Variants in ATP9B observed in about 807,000 individuals in gnomAD.
ATP9B encodes ATPase phospholipid transporting 9B, also known as probable phospholipid-transporting ATPase IIB.
ATP9B carries 110 observed loss-of-function variants against 146.1 expected under a neutral mutation model. The observed-to-expected ratio is 0.75, with a 90% confidence interval of 0.65 to 0.88. The LOEUF (loss-of-function observed/expected upper bound fraction) is 0.88. Ranked by LOEUF, ATP9B falls within the 40% of genes least tolerant of loss-of-function variation. The probability of loss-of-function intolerance (pLI) is 0.00; values close to 1 mark genes in which losing one functional copy is unlikely to be tolerated. For missense variants in ATP9B, 1,499 were observed against 1,496.4 expected, an observed-to-expected ratio of 1.00 and a Z score of -0.03; for synonymous variants, 604 against 569.7, an observed-to-expected ratio of 1.06 and a Z score of -0.86.
chr18:79,228,762 C>T (rs771742469), intron 11 of ATP9B, among the ~76,000 whole-genome samples: 3 of 152,074 alleles, frequency 2.0e-5, no homozygotes, highest in Admixed American at 1.3e-4. Context: ...GGACATGGTT[C>T]GCCTGTAATC....
chr18:79,084,220 T>C (rs1209295904), intron 1 of ATP9B, among the ~76,000 whole-genome samples: 1 of 151,928 alleles, frequency 6.6e-6, no homozygotes, highest in Admixed American at 6.6e-5. Flanking sequence ...TTTGAACATG[T>C]TCATCATGTC....
intron 12 of ATP9B, among the ~76,000 whole-genome samples, chr18:79,267,319 A>G (rs978489020): frequency 6.7e-6 from 1 of 150,060 alleles, no homozygotes; most frequent in African/African-American, 2.5e-5. Context: ...TTTCCTGACC[A>G]CTCTTCCAAT....
intron 12 of ATP9B, among the ~76,000 whole-genome samples, chr18:79,261,571 C>T (rs1258943769): frequency 6.6e-6 from 1 of 152,116 alleles, no homozygotes; most frequent in Non-Finnish European, 1.5e-5. Context: ...CCGACCAGTC[C>T]AGGAGGAAAC....
At chr18:79,368,715 A>G (rs2097050345) in intron 26 of ATP9B, among the ~76,000 whole-genome samples, 2 of 152,262 alleles carry the variant, frequency 1.3e-5, no homozygotes, top group Middle Eastern at 6.8e-3. Context: ...TAGAAGAAAT[A>G]AAAGTGACAG....
intron 9 of ATP9B, among the ~76,000 whole-genome samples, chr18:79,199,950 G>C (rs1167635239): frequency 6.6e-6 from 1 of 152,170 alleles, no homozygotes; most frequent in African/African-American, 2.4e-5. Flanking sequence ...GGAAGGACCT[G>C]CCGGAGGCTG....
intron 4 of ATP9B, among the ~76,000 whole-genome samples, chr18:79,118,089 G>A (rs1182384077): frequency 2.6e-5 from 4 of 152,020 alleles, no homozygotes; most frequent in Admixed American, 6.5e-5. Context: ...TACCACAACT[G>A]ATTCATCCCT....
rs1177860049 is a variant in ATP9B at position 79,096,545 on chromosome 18, G to A, written c.189G>A (p.Glu63=). The A allele has an allele frequency of 2.2e-5, 35 of 1,613,908 alleles. No individual in the cohort carries two copies. Among genetic ancestry groups the A allele is most frequent in the Non-Finnish European group, 2.8e-5 (33 of 1,179,930 alleles). The stretch of plus-strand genomic sequence containing the variant: ...TAATGATGTCTGAAGAAGGCTTTGA[G>A]AATGAGGAAAGTGATTACCACACCT... ...MPLMMSEEGF[E]NEESDYHTLP... Residue 63 remains glutamate, a synonymous_variant, in exon 2 of 30, where the codon GAG becomes GAA. Transcript: ENST00000426216.
Position 79,170,159 on chromosome 18 carries a change from G to A in ATP9B, c.779-6654G>A, listed in dbSNP as rs1031976678. 2.2e-4 allele frequency among the ~76,000 whole-genome samples: 34 copies of A among 152,156 alleles called. 1 individual carries two copies. Among genetic ancestry groups the A allele is most frequent in the Non-Finnish European group, 8.8e-5 (6 of 68,030 alleles). ...GCCAAGGTAGGGAGGAGCTGCAGCC[G>A]GCCGGTAACTTTCATTCACCGGCTC... On this transcript the variant is annotated intron_variant, in intron 7 of 29. Transcript: ENST00000426216.
chr18:79,260,207 C>G (rs773812113), intron 12 of ATP9B, among the ~76,000 whole-genome samples: 1 of 152,106 alleles, frequency 6.6e-6, no homozygotes. Flanking sequence ...AGGAAACTTG[C>G]AATCATGGCG....
At chr18:79,319,159 G>C (rs1047991740) in intron 15 of ATP9B, among the ~76,000 whole-genome samples, 2 of 152,188 alleles carry the variant, frequency 1.3e-5, no homozygotes, top group African/African-American at 4.8e-5. Context: ...GGGCTTCTCG[G>C]CTTCACTTTC....
Position 79,118,403 on chromosome 18 carries a change from T to G in ATP9B, c.558+5049T>G, listed in dbSNP as rs1027110879. On this transcript the variant is annotated intron_variant, in intron 4 of 29. Transcript: ENST00000426216. ...TTGAACGTTTTTGTTTTTTTTTTTT[T>G]TTTTTTTTTTTTTTTGAGACAGAGT... is the stretch of plus-strand genomic sequence containing the variant. Among the ~76,000 whole-genome samples the G allele has an allele frequency of 8.7e-3, 1,144 of 131,822 alleles. 39 individuals carry two copies. Among genetic ancestry groups the G allele is most frequent in the African/African-American group, 0.03 (1,076 of 35,318 alleles). The allele number at this position is 131,822 out of a possible 152,430, so 86.5% of individuals were successfully genotyped here.
chr18:79,183,213 A>G (rs2095269535), intron 8 of ATP9B, among the ~76,000 whole-genome samples: 1 of 152,232 alleles, frequency 6.6e-6, no homozygotes, highest in Non-Finnish European at 1.5e-5. Context: ...CTGACAAATT[A>G]TAGCTTCCAT....
chr18:79,293,876 T>A (rs1430543827), intron 13 of ATP9B, among the ~76,000 whole-genome samples: 1 of 152,188 alleles, frequency 6.6e-6, no homozygotes, highest in East Asian at 1.9e-4. Flanking sequence ...GCGCAGATAT[T>A]ATATTCAGTA....
intron 11 of ATP9B, among the ~76,000 whole-genome samples, chr18:79,236,007 A>G (rs1206256923): frequency 1.3e-5 from 2 of 152,012 alleles, no homozygotes; most frequent in South Asian, 2.1e-4. Context: ...TAAGGTGTGT[A>G]CCGAGCGAGT....
At chr18:79,167,825 C>T (rs1312534578) in intron 7 of ATP9B, among the ~76,000 whole-genome samples, 1 of 152,120 alleles carries the variant, frequency 6.6e-6, no homozygotes, top group East Asian at 1.9e-4. Flanking sequence ...GGTAGGGTTT[C>T]ACAGGGGACC....
In ATP9B at chr18:79,327,548, G is replaced by A. The variant is rs200140773; in HGVS notation, c.1774-1593G>A. 2.3e-3 allele frequency among the ~76,000 whole-genome samples: 309 copies of A among 131,770 alleles called. 4 individuals carry two copies. The highest frequency in any genetic ancestry group is 5.7e-3 in the African/African-American group (190 of 33,304). The allele number at this position is 131,770 out of a possible 152,430, so 86.4% of individuals were successfully genotyped here. A position where few individuals can be genotyped will look rare whatever the true frequency, so the allele number is the denominator to read the frequency against. Reference sequence around the variant, plus strand: ...GCTCTCCGTGGTTAGCGTGCTCTCCGTGGTTAGCGTGCTCTCCGTGGTTAG... The same window carrying A: ...GCTCTCCGTGGTTAGCGTGCTCTCCATGGTTAGCGTGCTCTCCGTGGTTAG... On this transcript the variant is annotated intron_variant, in intron 15 of 29. Transcript: ENST00000426216.
intron 13 of ATP9B, among the ~76,000 whole-genome samples, chr18:79,301,377 A>C (rs2146424832): frequency 6.6e-6 from 1 of 152,174 alleles, no homozygotes; most frequent in East Asian, 1.9e-4. Context: ...CTGTAATCCC[A>C]GCTACTGGGG....
intron 9 of ATP9B, among the ~76,000 whole-genome samples, chr18:79,197,081 T>C (rs1344217914): frequency 1.3e-5 from 2 of 152,242 alleles, no homozygotes; most frequent in Non-Finnish European, 2.9e-5. Context: ...TACATTTGCT[T>C]GTAAAGAAAT....
At chr18:79,252,289 A>T (rs916682224) in intron 11 of ATP9B, among the ~76,000 whole-genome samples, 1 of 152,196 alleles carries the variant, frequency 6.6e-6, no homozygotes, top group South Asian at 2.1e-4. Context: ...CAGATAAGAA[A>T]ACCAAAGCCC....
Sources: gnomAD v4.1 joint callset for allele counts (sites outside exome capture counted in the v4.1 genomes callset) on GRCh38, gnomAD v4.1.1 for gene constraint, MANE v1.5 for transcripts, NCBI Gene and HGNC (gene_info 2026-07-23, HGNC 2026-07-21) for gene names.